The following LARP6 variants were observed in gnomAD, a reference collection of about 807,000 sequenced individuals.
LARP6 encodes la-related protein 6.
A neutral mutation model predicts 32.8 loss-of-function variants in LARP6; 18 were observed. That is an observed-to-expected ratio of 0.55 (90% CI 0.38 to 0.81). The LOEUF is 0.81. LARP6 is among the 40% of genes least tolerant of loss of function. LARP6 has a pLI of 0.00. For synonymous variants in LARP6, 289 were observed against 267.2 expected (o/e 1.08, Z -0.80); for missense variants, 598 against 663.1 (o/e 0.90, Z 1.08).
rs988809805 is a variant in LARP6 at position 70,842,456 on chromosome 15, AC to A, written c.201-5952del. On this transcript the variant is annotated intron_variant, in intron 1 of 2. Transcript: ENST00000299213. The stretch of plus-strand genomic sequence containing the variant: ...CTATAAGCTCATCAAATTCAAATCT[AC>A]CCCCCAGCCTGTCCACCGCCCCACA... Among the ~76,000 whole-genome samples the A allele has an allele frequency of 3.3e-5, 5 of 149,884 alleles. No individual in the cohort carries two copies. In the Admixed American group the frequency reaches 3.3e-4, roughly 10 times the overall value.
intron 1 of LARP6, chr15:70,851,971 C>T (rs370375330): frequency 2.6e-5 from 13 of 502,946 alleles, no homozygotes; most frequent in Non-Finnish European, 3.6e-5. Context: ...GCTGGAATCA[C>T]GGGAGCGTGA....
intron 2 of LARP6, 97 bp from the exon 3 acceptor site, chr15:70,833,213 C>T: frequency 4.3e-6 from 4 of 934,828 alleles, no homozygotes; most frequent in Admixed American, 1.9e-5. Context: ...ATCCCTGTAA[C>T]ACTAGAATCC....
rs2032053459 is a variant in LARP6 at position 70,832,164 on chromosome 15, G to A, written c.1364C>T (p.Ser455Phe). The change falls in exon 3 of 3, where the codon TCC becomes TTC. Residue 455 changes from serine to phenylalanine, a missense_variant. Around this residue, in one of 3 missense-constraint regions of LARP6, gnomAD observed 368 missense variants for 397.9 expected, o/e 0.92. Transcript: ENST00000299213. The stretch of plus-strand genomic sequence containing the variant: ...CCCATCTGCAGTCTGCATCTTCCGG[G>A]AGAGCAGGGGACTCGTACCGGGGCT... The part of the protein sequence containing the change: ...EKSPGTSPLL[S>F]RKMQTADGLP... The A allele has an allele frequency of 6.2e-7, 1 of 1,613,630 alleles. No individual in the cohort carries two copies. Among genetic ancestry groups the A allele is most frequent in the African/African-American group, 1.3e-5 (1 of 75,058 alleles).
At chr15:70,851,387 T>G (rs957455611) in intron 1 of LARP6, 2 of 1,032,466 alleles carry the variant, frequency 1.9e-6, no homozygotes, top group African/African-American at 3.2e-5. Flanking sequence ...AGGAAAGGCA[T>G]CTTTTTAATG....
chr15:70,836,586 C>A (rs1167611218), intron 1 of LARP6, 81 bp from the exon 2 acceptor site: 9 of 1,097,708 alleles, frequency 8.2e-6, no homozygotes, highest in Non-Finnish European at 1.3e-5. Flanking sequence ...AAGTCCTGAC[C>A]CCCAATACCT....
At position 70,853,896 on chromosome 15, in the gene LARP6, C is replaced by G. The variant is rs771924888; in HGVS notation, c.193G>C (p.Gly65Arg). ...GCCAGCCGCCGCGCCTACCTGTGCC[C>G]GCGGCTCGGCTCCTCCTCGCTCGCG... ...GSASEEEPSR[G>R]HSGTTASGGE... The change falls in exon 1 of 3, where the codon GGG becomes CGG. Residue 65 changes from glycine to arginine, a missense_variant. Coordinates refer to ENST00000299213, the MANE Select transcript of LARP6 (RefSeq NM_018357.4). The G allele has an allele frequency of 8.4e-5, 111 of 1,317,040 alleles. No homozygotes were observed. Among genetic ancestry groups the G allele is most frequent in the South Asian group, 7.6e-4 (37 of 48,552 alleles). 81.6% of individuals were successfully genotyped at this position (1,317,040 alleles called of 1,614,324 possible). A position where few individuals can be genotyped will look rare whatever the true frequency, so the allele number is the denominator to read the frequency against.
intron 1 of LARP6, among the ~76,000 whole-genome samples, chr15:70,852,914 G>A (rs1222734919): frequency 6.6e-6 from 1 of 152,130 alleles, no homozygotes; most frequent in Non-Finnish European, 1.5e-5. Context: ...GTAGATATAC[G>A]CTTGCCAGGA....
At chr15:70,837,543 T>C (rs911043085) in intron 1 of LARP6, among the ~76,000 whole-genome samples, 16 of 152,232 alleles carry the variant, frequency 1.1e-4, no homozygotes, top group Admixed American at 4.6e-4. Context: ...GCAGAGTTAC[T>C]TGACCTTTCG....
chr15:70,845,963 T>C (rs1388880582), intron 1 of LARP6, among the ~76,000 whole-genome samples: 1 of 152,232 alleles, frequency 6.6e-6, no homozygotes, highest in African/African-American at 2.4e-5. Context: ...GAAAATAATC[T>C]TGTCTCTTTT....
intron 1 of LARP6, among the ~76,000 whole-genome samples, chr15:70,836,709 A>G (rs373445103): frequency 8.0e-4 from 122 of 152,294 alleles, no homozygotes; most frequent in African/African-American, 2.8e-3. Flanking sequence ...GTCCTTACCA[A>G]AGGGGTAAAT....
intron 1 of LARP6, chr15:70,851,496 G>A (rs569951691): frequency 2.9e-5 from 42 of 1,429,192 alleles, no homozygotes; most frequent in Non-Finnish European, 3.9e-5. Context: ...TAGGTATTAG[G>A]CTAGGTATGG....
intron 1 of LARP6, chr15:70,851,465 A>T (rs981450378): frequency 3.0e-6 from 4 of 1,325,182 alleles, no homozygotes; most frequent in Non-Finnish European, 2.9e-6. Flanking sequence ...TTGTTCATTT[A>T]TTCTGTTCCC....
Position 70,840,904 on chromosome 15 carries a change from T to C in LARP6, c.201-4399A>G, listed in dbSNP as rs896006119. Among the ~76,000 whole-genome samples, 5 of 139,974 alleles carry C rather than the reference T, an allele frequency of 3.6e-5. No individual in the cohort carries two copies. In the Middle Eastern group the frequency reaches 0.016, roughly 437 times the overall value. The allele number at this position is 139,974 out of a possible 152,430, so 91.8% of individuals were successfully genotyped here. On this transcript the variant is annotated intron_variant, in intron 1 of 2. Transcript: ENST00000299213. ...TAGAAGGAAGGCAGTATAATTTCTC[T>C]TTTCTCTCTTTTTTTTTTTTTTTTT...
At chr15:70,853,137 C>T (rs1403420266) in intron 1 of LARP6, 2 of 152,186 alleles carry the variant, frequency 1.3e-5, no homozygotes, top group Non-Finnish European at 2.9e-5. Context: ...GCCAAGGTGC[C>T]TGAGGACAAA....
chr15:70,852,866 T>A (rs2032511449), intron 1 of LARP6, among the ~76,000 whole-genome samples: 2 of 152,156 alleles, frequency 1.3e-5, no homozygotes, highest in African/African-American at 4.8e-5. Context: ...CTGGGCCCAG[T>A]ATTCTTCCAC....
At chr15:70,850,273 TA>T (rs1198481279) in intron 1 of LARP6, among the ~76,000 whole-genome samples, 1 of 152,226 alleles carries the variant, frequency 6.6e-6, no homozygotes, top group African/African-American at 2.4e-5. Flanking sequence ...TGAATTCTAC[TA>T]AACATTTAAA....
In LARP6 at chr15:70,832,789, T is replaced by C; in HGVS notation, c.739A>G (p.Ser247Gly). ...GTCCCCACTTGGCTGTAGCGGCTGC[T>C]GATCCTCCGGATGTCAGGGGGCAGC... ...RELPPDIRRISSRYSQVGTQE... is the reference protein window; with the variant it reads ...RELPPDIRRIGSRYSQVGTQE... Residue 247 changes from serine (S) to glycine (G), a missense_variant, in exon 3 of 3, where the codon AGC becomes GGC. Transcript: ENST00000299213. 6.2e-7 allele frequency: 1 copy of C among 1,610,176 alleles called. No individual in the cohort carries two copies. The highest frequency in any genetic ancestry group is 8.5e-7 in the Non-Finnish European group (1 of 1,178,454).
At chr15:70,843,057 C>T (rs759166637) in intron 1 of LARP6, among the ~76,000 whole-genome samples, 4 of 152,082 alleles carry the variant, frequency 2.6e-5, no homozygotes, top group Non-Finnish European at 4.4e-5. Flanking sequence ...AACTTATTGC[C>T]GATTACAACC....
rs899256521 is a variant in LARP6 at position 70,853,906 on chromosome 15, C to T, written c.183G>A (p.Glu61=). 5 of 1,356,984 alleles carry T rather than the reference C, an allele frequency of 3.7e-6. No homozygotes were observed. The African/African-American group carries it at 6.0e-5, about 16-fold the overall frequency. The allele number at this position is 1,356,984 out of a possible 1,614,324, so 84.1% of individuals were successfully genotyped here. Residue 61 remains glutamate, a synonymous_variant, in exon 1 of 3, where the codon GAG becomes GAA. Transcript: ENST00000299213. ...SPGWGSASEE[E]PSRGHSGTTA... ...GCGCCTACCTGTGCCCGCGGCTCGG[C>T]TCCTCCTCGCTCGCGCTGCCCCAGC...
Sources: gnomAD v4.1 joint callset for allele counts (sites outside exome capture counted in the v4.1 genomes callset) on GRCh38, gnomAD v4.1.1 for gene constraint, gnomAD v4.1.1 regional missense constraint, MANE v1.5 for transcripts, NCBI Gene and HGNC (gene_info 2026-07-23, HGNC 2026-07-21) for gene names.